Variants in TEX15 observed in about 807,000 individuals in gnomAD.
TEX15 encodes the protein testis expressed 15, meiosis and synapsis associated, also known as testis-expressed protein 15.
TEX15 carries 171 observed loss-of-function variants against 237.3 expected under a neutral mutation model. The ratio of observed to expected loss-of-function variants is 0.72; its 90% confidence interval spans 0.64 to 0.82. TEX15 has a LOEUF of 0.82. Among genes scored for constraint, TEX15 ranks in the 40% least tolerant of loss-of-function variants. The probability of loss-of-function intolerance (pLI) is 0.00; values close to 1 mark genes in which losing one functional copy is unlikely to be tolerated. For synonymous variants in TEX15, 1,338 were observed against 1,269.8 expected (o/e 1.05, Z -1.14); for missense variants, 3,750 against 3,646.5 (o/e 1.03, Z -0.73).
At chr8:30,905,673 G>C (rs1261091160) in intron 1 of TEX15, among the ~76,000 whole-genome samples, 1 of 143,672 alleles carries the variant, frequency 7.0e-6, no homozygotes, top group African/African-American at 2.6e-5. Context: ...TGGATCACTT[G>C]AGCTCAGGAG....
chr8:30,856,804 A>C (rs1807922321), intron 7 of TEX15, among the ~76,000 whole-genome samples: 1 of 152,102 alleles, frequency 6.6e-6, no homozygotes, highest in Non-Finnish European at 1.5e-5. Flanking sequence ...ACATGGGAGA[A>C]ACACAATGTT....
At chr8:30,834,028 T>A (rs939125036) in intron 10 of TEX15, among the ~76,000 whole-genome samples, 1 of 152,154 alleles carries the variant, frequency 6.6e-6, no homozygotes, top group Non-Finnish European at 1.5e-5. Context: ...AGATTTCCTA[T>A]CTCAGAAATT....
At chr8:30,900,502 C>G (rs999755566) in intron 1 of TEX15, among the ~76,000 whole-genome samples, 4 of 152,108 alleles carry the variant, frequency 2.6e-5, no homozygotes, top group Non-Finnish European at 5.9e-5. Context: ...TCTATGTCTA[C>G]TGTAATTATA....
chr8:30,907,198 G>A (rs1459386787), intron 1 of TEX15, among the ~76,000 whole-genome samples: 1 of 152,138 alleles, frequency 6.6e-6, no homozygotes, highest in African/African-American at 2.4e-5. Context: ...GGAGGGTGGA[G>A]TGCAGTGGTG....
intron 2 of TEX15, among the ~76,000 whole-genome samples, chr8:30,888,355 T>C (rs1808709324): frequency 6.6e-6 from 1 of 152,234 alleles, no homozygotes; most frequent in African/African-American, 2.4e-5. Context: ...TTCCTACAGC[T>C]GATGGCCAAC....
rs34514049 is a variant in TEX15, at chr8:30,895,297, CAAAAAAAAAAAA to C, written c.-10+3433_-10+3444del. Among the ~76,000 whole-genome samples, 8 of 60,500 alleles carry C rather than the reference CAAAAAAAAAAAA, an allele frequency of 1.3e-4. No individual in the cohort carries two copies. In the East Asian group the frequency reaches 4.9e-3, roughly 37 times the overall value. 39.7% of individuals were successfully genotyped at this position (60,500 alleles called of 152,430 possible). On this transcript the variant is annotated intron_variant, in intron 2 of 10. Transcript: ENST00000643185. Reference sequence around the variant, plus strand: ...TAGGCGACAAAGCGAGACTCCATCTCAAAAAAAAAAAAAAAAAAAAAAAAAGACTGTCAACAA... The same window carrying C: ...TAGGCGACAAAGCGAGACTCCATCTCAAAAAAAAAAAAAGACTGTCAACAA...
intron 3 of TEX15, among the ~76,000 whole-genome samples, chr8:30,881,340 A>G (rs1808515808): frequency 6.6e-6 from 1 of 152,144 alleles, no homozygotes; most frequent in Non-Finnish European, 1.5e-5. Flanking sequence ...CAGTGAAACC[A>G]TCTGGGCCTT....
rs963750529 is a variant in TEX15, at chr8:30,867,412, T to C, written c.393A>G (p.Ile131Met). Residue 131 changes from isoleucine (I) to methionine (M), a missense_variant, in exon 5 of 11, where the codon ATA becomes ATG. Coordinates refer to ENST00000643185, the MANE Select transcript of TEX15 (RefSeq NM_001350162.2). ...CTCTGGTACTTATTCCATTCTGATA[T>C]ATCTGGGCTACATCACTCTGGGGAA... ...LALPQSDVAQ[I>M]YQNGISTRAS... is the part of the protein sequence containing the mutation. 3.1e-5 allele frequency: 48 copies of C among 1,534,628 alleles called. No homozygotes were observed. Among genetic ancestry groups the C allele is most frequent in the Non-Finnish European group, 4.1e-5 (47 of 1,145,820 alleles).
chr8:30,845,906 T>G lies in TEX15; in HGVS notation c.4261A>C (p.Asn1421His). 1 of 1,613,318 alleles carries G rather than the reference T, an allele frequency of 6.2e-7. No individual in the cohort carries two copies. The highest frequency in any genetic ancestry group is 8.5e-7 in the Non-Finnish European group (1 of 1,179,592). ...AGGTCACAACTTTCCCAGAAATTAT[T>G]GCATATTATTGCATATGATTTTGGT... is the stretch of plus-strand genomic sequence containing the variant. ...PLPKSYAIIC[N>H]NFWESCDLQG... is the part of the protein sequence containing the mutation. Residue 1421 changes from asparagine to histidine, a missense_variant, in exon 8 of 11, where the codon AAT (asparagine) becomes CAT (histidine). Coordinates refer to ENST00000643185, the MANE Select transcript of TEX15 (RefSeq NM_001350162.2).
chr8:30,847,328 T>C lies in TEX15; in HGVS notation c.2839A>G (p.Ser947Gly). ...ALLESEEDTI[S>G]AVKQKDTENT... The stretch of plus-strand genomic sequence containing the variant: ...TCAGTATCTTTTTGTTTCACGGCAC[T>C]AATGGTATCTTCTTCACTCTCTAAT... Residue 947 changes from serine to glycine, a missense_variant, in exon 8 of 11, where the codon AGT (serine) becomes GGT (glycine). Ser to Gly is a moderately conservative substitution (Grantham distance 56). Coordinates refer to ENST00000643185, the MANE Select transcript of TEX15 (RefSeq NM_001350162.2). The C allele has an allele frequency of 6.2e-7, 1 of 1,613,946 alleles. No homozygotes were observed. Among genetic ancestry groups the C allele is most frequent in the Non-Finnish European group, 8.5e-7 (1 of 1,179,916 alleles).
At chr8:30,849,691 A>C (rs1249444200) in intron 7 of TEX15, among the ~76,000 whole-genome samples, 1 of 152,130 alleles carries the variant, frequency 6.6e-6, no homozygotes, top group Non-Finnish European at 1.5e-5. Flanking sequence ...TCATGAGGTC[A>C]GGAGTTCGAG....
In TEX15 at chr8:30,842,783, T is replaced by C. The variant is rs1807492259; in HGVS notation, c.7384A>G (p.Ile2462Val). 5 of 1,613,304 alleles carry C rather than the reference T, an allele frequency of 3.1e-6. No homozygotes were observed. Among genetic ancestry groups the C allele is most frequent in the Non-Finnish European group, 2.5e-6 (3 of 1,179,634 alleles). ...CTCTGTTTGTCTAGTTTCTTTGCTA[T>C]TGAGTTTTTAAGAAAGTGAATTGTT... The part of the protein sequence containing the change: ...SETIHFLKNS[I>V]AKKLDKQRFR... Residue 2462 changes from isoleucine (I) to valine (V), a missense_variant, in exon 8 of 11, where the codon ATA becomes GTA. Physicochemically the swap from Ile to Val is conservative, Grantham distance 29. Transcript: ENST00000643185.
rs1387935499 is a variant in TEX15, at chr8:30,858,659, G to C, written c.850+9C>G. ...ATATTAATCAAGTACAATCATATGT[G>C]TATCTTACCAGCTCTCTTAGGAAAT... On this transcript the variant is annotated intron_variant, in intron 7 of 10. Coordinates refer to ENST00000643185, the MANE Select transcript of TEX15 (RefSeq NM_001350162.2). 7 of 1,525,318 alleles carry C rather than the reference G, an allele frequency of 4.6e-6. No homozygotes were observed. The East Asian group carries it at 1.7e-4, about 37-fold the overall frequency. 94.5% of individuals were successfully genotyped at this position (1,525,318 alleles called of 1,614,324 possible). A position where few individuals can be genotyped will look rare whatever the true frequency, so the allele number is the denominator to read the frequency against.
intron 3 of TEX15, among the ~76,000 whole-genome samples, chr8:30,883,379 T>A (rs188319199): frequency 1.7e-3 from 253 of 152,082 alleles, no homozygotes; most frequent in African/African-American, 2.0e-3. Flanking sequence ...CTTTTTTTTT[T>A]AATTTTTTAT....
intron 1 of TEX15, among the ~76,000 whole-genome samples, chr8:30,901,989 T>A (rs1337275892): frequency 6.6e-6 from 1 of 152,180 alleles, no homozygotes; most frequent in Non-Finnish European, 1.5e-5. Context: ...GAAGTGGTTC[T>A]CAAACTGTGG....
At chr8:30,858,913 T>C (rs1807974842) in intron 6 of TEX15, 83 bp from the exon 7 acceptor site, 12 of 942,834 alleles carry the variant, frequency 1.3e-5, no homozygotes, top group Non-Finnish European at 1.8e-5. Context: ...ATCAATATAA[T>C]TGCATATTAT....
chr8:30,859,443 CTATA>C (rs1277757226), intron 6 of TEX15, among the ~76,000 whole-genome samples: 1 of 151,890 alleles, frequency 6.6e-6, no homozygotes, highest in Non-Finnish European at 1.5e-5. Flanking sequence ...TAAATCTTAA[CTATA>C]TATATTTGTG....
chr8:30,867,397 T>TG lies in TEX15; in HGVS notation c.407_408insC (p.Ser137LysfsTer21). 6.5e-7 allele frequency: 1 copy of TG among 1,533,702 alleles called. No individual in the cohort carries two copies. The highest frequency in any genetic ancestry group is 1.4e-5 in the African/African-American group (1 of 73,054). Reference sequence around the variant, plus strand: ...TCTTCAATGTAGATGCTCTGGTACTTATTCCATTCTGATATATCTGGGCTA... The same window carrying TG: ...TCTTCAATGTAGATGCTCTGGTACTTGATTCCATTCTGATATATCTGGGCTA... On this transcript the variant is annotated frameshift_variant, in exon 5 of 11. Transcript: ENST00000643185. LOFTEE classifies it high-confidence loss of function.
chr8:30,844,487 A>G lies in TEX15; in HGVS notation c.5680T>C (p.Leu1894=). 6.2e-7 allele frequency: 1 copy of G among 1,613,182 alleles called. No individual in the cohort carries two copies. The change falls in exon 8 of 11, where the codon TTG becomes CTG. Residue 1894 remains leucine (L), a synonymous_variant. Coordinates refer to ENST00000643185, the MANE Select transcript of TEX15 (RefSeq NM_001350162.2). ...TTAGTGCTCAGATGGGAATCAATCA[A>G]GTTAGTTGTAATAATTTTCTCATTT... ...CLNEKIITTN[L]IDSHLSTKNT... is the part of the protein sequence containing the mutation.
Sources: allele counts gnomAD v4.1 joint callset (sites outside exome capture counted in the v4.1 genomes callset), GRCh38; gene constraint gnomAD v4.1.1; transcripts MANE v1.5; gene names NCBI Gene and HGNC (gene_info 2026-07-23, HGNC 2026-07-21).